KLHL20: variants seen among roughly 807,000 people sequenced by gnomAD.
KLHL20 encodes the protein kelch-like protein 20.
KLHL20 carries 29 observed loss-of-function variants against 69.5 expected under a neutral mutation model. That is an observed-to-expected ratio of 0.42 (90% confidence interval 0.31 to 0.57). The LOEUF (loss-of-function observed/expected upper bound fraction) is 0.57. Ranked by LOEUF, KLHL20 falls within the 20% of genes least tolerant of loss-of-function variation. The probability of loss-of-function intolerance (pLI) is 0.18; values close to 1 mark genes in which losing one functional copy is unlikely to be tolerated. For synonymous variants in KLHL20, 253 were observed against 265.2 expected, an observed-to-expected ratio of 0.95 and a Z score of 0.45; for missense variants, 419 against 776.0, an observed-to-expected ratio of 0.54 and a Z score of 5.47.
rs142183950 is a variant in KLHL20 at position 173,785,449 on chromosome 1, G to T, written c.*202G>T. 0.014 allele frequency: 4,257 copies of T among 307,404 alleles called. 44 individuals are homozygous for T. Among genetic ancestry groups the T allele is most frequent in the Non-Finnish European group, 0.017 (2,933 of 167,934 alleles). 19.0% of individuals were successfully genotyped at this position (307,404 alleles called of 1,614,324 possible). A position where few individuals can be genotyped will look rare whatever the true frequency, so the allele number is the denominator to read the frequency against. On this transcript the variant is annotated 3_prime_UTR_variant, in exon 12 of 12. Coordinates refer to ENST00000209884, the MANE Select transcript of KLHL20 (RefSeq NM_014458.4). ...TCTGTGCAGAAGAATATTTATTTTT[G>T]GTTTTAATTTATCATGGTTTTTTGT...
At chr1:173,735,717 C>T (rs1174893112) in intron 3 of KLHL20, among the ~76,000 whole-genome samples, 3 of 151,962 alleles carry the variant, frequency 2.0e-5, no homozygotes, top group African/African-American at 4.8e-5. Flanking sequence ...CAGTGTACAC[C>T]GTACCCAATG....
intron 7 of KLHL20, among the ~76,000 whole-genome samples, chr1:173,761,415 C>CA (rs2102513248): frequency 6.6e-6 from 1 of 152,216 alleles, no homozygotes; most frequent in South Asian, 2.1e-4. Context: ...ACATTTCATC[C>CA]AAAACCCACA....
chr1:173,756,278 G>T (rs1318056293), intron 6 of KLHL20, among the ~76,000 whole-genome samples: 1 of 152,156 alleles, frequency 6.6e-6, no homozygotes, highest in Non-Finnish European at 1.5e-5. Context: ...AATGTTGGCT[G>T]GTCACAGTGG....
intron 3 of KLHL20, chr1:173,741,764 C>T: frequency 6.9e-7 from 1 of 1,455,342 alleles, no homozygotes; most frequent in Non-Finnish European, 9.5e-7. Flanking sequence ...GCCCCAATTC[C>T]TACTTCATGG....
chr1:173,714,995 A>C lies in KLHL20; in HGVS notation c.-125A>C, dbSNP rs1671399959. On this transcript the variant is annotated 5_prime_UTR_variant, in exon 1 of 12. Coordinates refer to ENST00000209884, the MANE Select transcript of KLHL20 (RefSeq NM_014458.4). ...CTACGAGCGGCATCCTGCCTGCGTT[A>C]GCGGCGGTGGAGGAGGAGGCAGAGA... 1 of 152,632 alleles carries C rather than the reference A, an allele frequency of 6.6e-6. No homozygotes were observed. The highest frequency in any genetic ancestry group is 2.1e-4 in the South Asian group (1 of 4,844). 9.5% of individuals were successfully genotyped at this position (152,632 alleles called of 1,614,324 possible).
At chr1:173,728,087 G>A (rs975217631) in intron 2 of KLHL20, among the ~76,000 whole-genome samples, 2 of 152,046 alleles carry the variant, frequency 1.3e-5, no homozygotes, top group Non-Finnish European at 2.9e-5. Flanking sequence ...CAAAGGCAGG[G>A]GTTGCAATCC....
chr1:173,777,826 A>G (rs1252292445), intron 10 of KLHL20, among the ~76,000 whole-genome samples: 1 of 152,094 alleles, frequency 6.6e-6, no homozygotes, highest in Non-Finnish European at 1.5e-5. Context: ...GATTTTGTTG[A>G]AGATTTTTGC....
chr1:173,719,406 A>T (rs1192254640), intron 2 of KLHL20, among the ~76,000 whole-genome samples: 2 of 152,060 alleles, frequency 1.3e-5, no homozygotes, highest in African/African-American at 4.8e-5. Context: ...AGGTCAAGAG[A>T]TCGAGACCAT....
At chr1:173,740,947 T>G (rs1672782990) in intron 3 of KLHL20, among the ~76,000 whole-genome samples, 1 of 152,200 alleles carries the variant, frequency 6.6e-6, no homozygotes, top group Non-Finnish European at 1.5e-5. Flanking sequence ...CCCTGTGAGA[T>G]AAAGTCAGAA....
chr1:173,734,331 A>C, intron 3 of KLHL20, 45 bp downstream of exon 3: 1 of 1,517,800 alleles, frequency 6.6e-7, no homozygotes, highest in Non-Finnish European at 9.2e-7. Flanking sequence ...GTTGGAGAGC[A>C]ATATGGGTTC....
intron 7 of KLHL20, among the ~76,000 whole-genome samples, chr1:173,760,114 AAG>A (rs1329749202): frequency 6.6e-6 from 1 of 152,206 alleles, no homozygotes; most frequent in Non-Finnish European, 1.5e-5. Flanking sequence ...AAGTAGAAGA[AAG>A]AAATTCAGAG....
intron 2 of KLHL20, among the ~76,000 whole-genome samples, chr1:173,716,854 T>C (rs1671486422): frequency 6.6e-6 from 1 of 152,230 alleles, no homozygotes; most frequent in East Asian, 1.9e-4. Flanking sequence ...AACTCAGAAC[T>C]TGGAGCAAGA....
intron 7 of KLHL20, among the ~76,000 whole-genome samples, chr1:173,758,582 C>T (rs1332187857): frequency 1.3e-5 from 2 of 152,204 alleles, no homozygotes; most frequent in Admixed American, 1.3e-4. Context: ...AAGGGAGACC[C>T]TCCTCTCCCA....
chr1:173,762,071 T>A (rs1647340987), intron 7 of KLHL20, among the ~76,000 whole-genome samples: 1 of 151,904 alleles, frequency 6.6e-6, no homozygotes, highest in Non-Finnish European at 1.5e-5. Context: ...ATACAAAAGA[T>A]CATTCAAGGC....
intron 10 of KLHL20, among the ~76,000 whole-genome samples, chr1:173,778,823 CATCT>C (rs1648656880): frequency 6.6e-6 from 1 of 152,100 alleles, no homozygotes; most frequent in African/African-American, 2.4e-5. Flanking sequence ...TCTCCTTTTT[CATCT>C]CTGATTTTAT....
intron 7 of KLHL20, among the ~76,000 whole-genome samples, chr1:173,760,949 G>T (rs534947461): frequency 6.6e-6 from 1 of 152,134 alleles, no homozygotes; most frequent in African/African-American, 2.4e-5. Context: ...GTACAGAACC[G>T]CAGAATGGAT....
chr1:173,750,438 T>A (rs1310274425), intron 3 of KLHL20, among the ~76,000 whole-genome samples: 2 of 151,800 alleles, frequency 1.3e-5, no homozygotes, highest in African/African-American at 4.8e-5. Context: ...GCCACTGGAG[T>A]AGAAGGGACT....
chr1:173,778,233 C>A lies in KLHL20; in HGVS notation c.1638+2391C>A, dbSNP rs1392481649. On this transcript the variant is annotated intron_variant, in intron 10 of 11. Coordinates refer to ENST00000209884, the MANE Select transcript of KLHL20 (RefSeq NM_014458.4). Reference sequence around the variant, plus strand: ...CTATCACTCCCTCAGCCCCCCACCCCCCGACAGGCCCTGGTGTGTGTTCCC... The same window carrying A: ...CTATCACTCCCTCAGCCCCCCACCCACCGACAGGCCCTGGTGTGTGTTCCC... 2.0e-5 allele frequency among the ~76,000 whole-genome samples: 3 copies of A among 152,108 alleles called. No homozygotes were observed. In the East Asian group the frequency reaches 5.8e-4, roughly 29 times the overall value.
At chr1:173,759,000 C>T (rs924348796) in intron 7 of KLHL20, among the ~76,000 whole-genome samples, 1 of 152,130 alleles carries the variant, frequency 6.6e-6, no homozygotes, top group Admixed American at 6.5e-5. Context: ...CGCCTGTGGC[C>T]TGGAAACAGA....
Sources: allele counts gnomAD v4.1 joint callset (sites outside exome capture counted in the v4.1 genomes callset), GRCh38; gene constraint gnomAD v4.1.1; transcripts MANE v1.5; gene names NCBI Gene and HGNC (gene_info 2026-07-23, HGNC 2026-07-21).